The following CYP4F3 variants were observed in gnomAD, a reference collection of about 807,000 sequenced individuals.
CYP4F3 encodes the protein cytochrome P450 4F3.
CYP4F3 carries 50 observed loss-of-function variants against 54.8 expected under a neutral mutation model. The ratio of observed to expected loss-of-function variants is 0.91; its 90% CI spans 0.73 to 1.16. CYP4F3 has a LOEUF of 1.16. CYP4F3 is among the 50% of genes most tolerant of loss of function. The pLI is 0.00. For missense variants in CYP4F3, 715 were observed against 676.2 expected (o/e 1.06, Z -0.64); for synonymous variants, 244 against 262.6 (o/e 0.93, Z 0.69).
intron 3 of CYP4F3, 59 bp from the exon 4 acceptor site, chr19:15,646,993 C>T (rs187735099): frequency 1.6e-5 from 26 of 1,603,932 alleles, no homozygotes; most frequent in East Asian, 2.2e-5. Context: ...CCTCCCCCCA[C>T]CCCCAAAGTT....
At chr19:15,654,361 A>C (rs969667528) in intron 9 of CYP4F3, among the ~76,000 whole-genome samples, 2 of 152,202 alleles carry the variant, frequency 1.3e-5, no homozygotes, top group Non-Finnish European at 2.9e-5. Context: ...TGCCTGAAAT[A>C]TTTGTCTTTT....
At chr19:15,646,528 T>C (rs568534685) in intron 3 of CYP4F3, among the ~76,000 whole-genome samples, 6 of 152,330 alleles carry the variant, frequency 3.9e-5, no homozygotes, top group African/African-American at 1.2e-4. Flanking sequence ...GGAACACGCT[T>C]TTAAGGTCAT....
chr19:15,643,315 TAG>T, intron 2 of CYP4F3, among the ~76,000 whole-genome samples: 1 of 64,180 alleles, frequency 1.6e-5, no homozygotes, highest in South Asian at 5.7e-4. Context: ...ATAGATAGAT[TAG>T]ATAGATAGAT....
chr19:15,653,005 C>A, intron 9 of CYP4F3, 53 bp downstream of exon 9: 1 of 1,549,692 alleles, frequency 6.5e-7, no homozygotes. Context: ...TGGCTCTGTT[C>A]CCCAGGTAGG....
intron 5 of CYP4F3, 96 bp downstream of exon 5, chr19:15,647,420 T>C: frequency 6.4e-7 from 1 of 1,556,208 alleles, no homozygotes; most frequent in East Asian, 2.3e-5. Context: ...TGGGTGCCTC[T>C]GGGCCATTGT....
At chr19:15,656,286 AT>A (rs1568402086) in intron 9 of CYP4F3, among the ~76,000 whole-genome samples, 7 of 17,730 alleles carry the variant, frequency 3.9e-4, no homozygotes, top group Non-Finnish European at 6.7e-4. Flanking sequence ...TCCATTGTGT[AT>A]ATATATATAT....
chr19:15,649,789 G>C, intron 6 of CYP4F3, 124 bp from the exon 7 acceptor site: 1 of 1,358,874 alleles, frequency 7.4e-7, no homozygotes, highest in Admixed American at 2.1e-5. Context: ...CTGCATCTGA[G>C]GGGCCATCTG....
intron 2 of CYP4F3, chr19:15,643,865 A>G: frequency 6.7e-7 from 1 of 1,494,288 alleles, no homozygotes; most frequent in East Asian, 2.6e-5. Flanking sequence ...GACACCTAGA[A>G]TTAACCATGA....
intron 9 of CYP4F3, among the ~76,000 whole-genome samples, chr19:15,657,439 G>GC (rs977569090): frequency 4.3e-4 from 66 of 152,056 alleles, no homozygotes; most frequent in East Asian, 1.2e-3. Flanking sequence ...GATTACAGGT[G>GC]CCCCCCCACC....
intron 5 of CYP4F3, among the ~76,000 whole-genome samples, chr19:15,647,775 T>C (rs1673531041): frequency 1.3e-5 from 2 of 152,202 alleles, no homozygotes; most frequent in Admixed American, 1.3e-4. Flanking sequence ...CTTGCTGGTG[T>C]TGGCTGAGTT....
rs766029060 is a variant in CYP4F3, at chr19:15,641,569, C to T, written c.154C>T (p.Pro52Ser). 1 of 1,614,132 alleles carries T rather than the reference C, an allele frequency of 6.2e-7. No individual in the cohort carries two copies. The highest frequency in any genetic ancestry group is 1.1e-5 in the South Asian group (1 of 91,090). ...CAACTGCTGCCGCCTCCGGTGTTTC[C>T]CGCAACCCCCGAAACGGAATTGGTT... ...YDNCCRLRCF[P>S]QPPKRNWFLG... Residue 52 changes from proline (P) to serine (S), a missense_variant, in exon 2 of 13, where the codon CCG (proline) becomes TCG (serine). By Grantham distance (74) the Pro-to-Ser change is moderately conservative. Coordinates refer to ENST00000221307, the MANE Select transcript of CYP4F3 (RefSeq NM_000896.3).
rs34923393 is a variant in CYP4F3, at chr19:15,645,808, C to T, written c.288C>T (p.His96=). The stretch of plus-strand genomic sequence containing the variant: ...GCTGCTGGTGGGTGGGGCCCTGGCA[C>T]GCAATCGTCCGCATCTTCCACCCCA... ...DMCCWWVGPW[H]AIVRIFHPTY... is the part of the protein sequence containing the mutation. The change falls in exon 3 of 13, where the codon CAC becomes CAT. Residue 96 remains histidine, a synonymous_variant. Coordinates refer to ENST00000221307, the MANE Select transcript of CYP4F3 (RefSeq NM_000896.3). The T allele has an allele frequency of 2.4e-5, 39 of 1,613,918 alleles. No individual in the cohort carries two copies. The highest frequency in any genetic ancestry group is 6.7e-5 in the African/African-American group (5 of 74,944).
chr19:15,650,950 C>G (rs1209001961), intron 7 of CYP4F3, among the ~76,000 whole-genome samples: 1 of 149,016 alleles, frequency 6.7e-6, no homozygotes, highest in Non-Finnish European at 1.5e-5. Flanking sequence ...TTTTGGCTCA[C>G]TGGTAACCCC....
chr19:15,656,602 GTCTA>G (rs139791776), intron 9 of CYP4F3, among the ~76,000 whole-genome samples: 31,297 of 135,988 alleles, frequency 0.23, 3,552 homozygotes, highest in Middle Eastern at 0.28. Flanking sequence ...TCTATTATCT[GTCTA>G]TCTATCTATC....
intron 9 of CYP4F3, among the ~76,000 whole-genome samples, chr19:15,658,022 A>AT (rs1390817354): frequency 6.6e-6 from 1 of 152,066 alleles, no homozygotes; most frequent in Non-Finnish European, 1.5e-5. Context: ...GGGCCCCTTT[A>AT]CCAAATGTGA....
At chr19:15,649,821 G>A in intron 6 of CYP4F3, 92 bp from the exon 7 acceptor site, 49 of 1,548,444 alleles carry the variant, frequency 3.2e-5, no homozygotes, top group Non-Finnish European at 4.1e-5. Context: ...CCCGTTTACT[G>A]ATAGGAGGTA....
chr19:15,646,950 T>G (rs1385974872), intron 3 of CYP4F3, 102 bp from the exon 4 acceptor site: 2 of 1,518,952 alleles, frequency 1.3e-6, no homozygotes, highest in African/African-American at 1.4e-5. Flanking sequence ...ATGTGGGGCT[T>G]GGAGGGAAGA....
intron 9 of CYP4F3, among the ~76,000 whole-genome samples, chr19:15,657,976 C>G (rs1311460147): frequency 6.6e-6 from 1 of 152,046 alleles, no homozygotes; most frequent in Non-Finnish European, 1.5e-5. Flanking sequence ...GCTGTAAAAT[C>G]CATCAACTTC....
chr19:15,649,187 G>T lies in CYP4F3; in HGVS notation c.553G>T (p.Gly185Cys), dbSNP rs200142901. 2.5e-6 allele frequency: 4 copies of T among 1,613,276 alleles called. No individual in the cohort carries two copies. Among genetic ancestry groups the T allele is most frequent in the African/African-American group, 1.3e-5 (1 of 74,880 alleles). Residue 185 changes from glycine to cysteine, a missense_variant, in exon 6 of 13, where the codon GGT becomes TGT. Coordinates refer to ENST00000221307, the MANE Select transcript of CYP4F3 (RefSeq NM_000896.3). ...HAKWQLLASE[G>C]SARLDMFEHI... Reference sequence around the variant, plus strand: ...CAAGTGGCAGCTCCTGGCCTCAGAGGGTAGTGCCCGTCTGGACATGTTTGA... The same window carrying T: ...CAAGTGGCAGCTCCTGGCCTCAGAGTGTAGTGCCCGTCTGGACATGTTTGA...
Sources: allele counts gnomAD v4.1 joint callset (sites outside exome capture counted in the v4.1 genomes callset), GRCh38; gene constraint gnomAD v4.1.1; transcripts MANE v1.5; gene names NCBI Gene and HGNC (gene_info 2026-07-23, HGNC 2026-07-21).